Variants in AMN1 observed in about 807,000 individuals in gnomAD.
AMN1 encodes protein AMN1 homolog.
AMN1 carries 20 observed loss-of-function variants against 33.0 expected under a neutral mutation model. The ratio of observed to expected loss-of-function variants is 0.61; its 90% CI spans 0.43 to 0.88. AMN1 has a LOEUF of 0.88. Among genes scored for constraint, AMN1 ranks in the 40% least tolerant of loss-of-function variants. The pLI, the probability that AMN1 is intolerant of heterozygous loss-of-function variation, is 0.00. For synonymous variants in AMN1, 114 were observed against 111.9 expected (o/e 1.02, Z -0.12); for missense variants, 246 against 307.4 (o/e 0.80, Z 1.49).
chr12:31,717,704 CT>C (rs966637043), intron 1 of AMN1, among the ~76,000 whole-genome samples: 41 of 147,722 alleles, frequency 2.8e-4, no homozygotes, highest in African/African-American at 4.0e-4. Context: ...TTATAGTTAA[CT>C]TTTTTTTTTT....
intron 6 of AMN1, among the ~76,000 whole-genome samples, chr12:31,688,481 T>G (rs1026168422): frequency 6.6e-6 from 1 of 152,174 alleles, no homozygotes; most frequent in Non-Finnish European, 1.5e-5. Flanking sequence ...TAACATTTAT[T>G]GAGCTCTTAC....
In AMN1 at chr12:31,722,130, G is replaced by GACACACACACACAC. The variant is rs57266162; in HGVS notation, c.38+6827_38+6840dup. Among the ~76,000 whole-genome samples, 153 of 144,066 alleles carry GACACACACACACAC rather than the reference G, an allele frequency of 1.1e-3. 1 individual carries two copies. The highest frequency in any genetic ancestry group is 3.7e-3 in the African/African-American group (143 of 38,204). The allele number at this position is 144,066 out of a possible 152,430, so 94.5% of individuals were successfully genotyped here. ...GACAAGTTGACTATATCAGGCCTTTGACACACACACACACACACACACACA... is the reference window on the plus strand; with the variant it reads ...GACAAGTTGACTATATCAGGCCTTTGACACACACACACACACACACACACACACACACACACACA... On this transcript the variant is annotated intron_variant, in intron 1 of 6. Coordinates refer to ENST00000281471, the MANE Select transcript of AMN1 (RefSeq NM_001113402.2).
At position 31,683,256 on chromosome 12, in the gene AMN1, C is replaced by G. The variant is rs952581550; in HGVS notation, c.703+5751G>C. Among the ~76,000 whole-genome samples the G allele has an allele frequency of 2.0e-5, 3 of 152,200 alleles. No homozygotes were observed. Among genetic ancestry groups the G allele is most frequent in the Non-Finnish European group, 4.4e-5 (3 of 68,046 alleles). ...GGACTACAGGCGTGAGCTACCACAC[C>G]TGGCCAGAAAATGATATGCTATTCT... On this transcript the variant is annotated intron_variant, in intron 6 of 6. Coordinates refer to ENST00000281471, the MANE Select transcript of AMN1 (RefSeq NM_001113402.2). The surrounding 1 kb of genome is among the most constrained non-coding windows in gnomAD (Gnocchi z 4.1).
intron 6 of AMN1, among the ~76,000 whole-genome samples, chr12:31,682,963 CTTTTTT>C (rs34868408): frequency 1.5e-5 from 2 of 137,850 alleles, no homozygotes; most frequent in Non-Finnish European, 3.1e-5. Flanking sequence ...GTATGCTATT[CTTTTTT>C]TTTTTTTTTT....
At chr12:31,706,311 C>CA (rs3032986) in intron 2 of AMN1, among the ~76,000 whole-genome samples, 18,511 of 65,590 alleles carry the variant, frequency 0.28, 2,575 homozygotes, top group Middle Eastern at 0.34. Flanking sequence ...GACTCCGTCT[C>CA]AAAAAAAAAA....
intron 6 of AMN1, among the ~76,000 whole-genome samples, chr12:31,677,283 G>A (rs1024439858): frequency 3.9e-5 from 6 of 152,162 alleles, no homozygotes; most frequent in African/African-American, 1.4e-4. Context: ...CTGGGTGACT[G>A]AGCGAGACTC....
chr12:31,676,653 T>G (rs551292338), intron 6 of AMN1, among the ~76,000 whole-genome samples: 1 of 151,602 alleles, frequency 6.6e-6, no homozygotes, highest in South Asian at 2.1e-4. Flanking sequence ...AGCTGGTGTG[T>G]CTACAATCAT....
chr12:31,681,476 G>A (rs941933759), intron 6 of AMN1, among the ~76,000 whole-genome samples: 1 of 152,084 alleles, frequency 6.6e-6, no homozygotes, highest in Admixed American at 6.5e-5. Flanking sequence ...TGATCCACCT[G>A]CCTCGGCCTC....
At chr12:31,715,555 T>C in intron 1 of AMN1, 1 of 163,308 alleles carries the variant, frequency 6.1e-6, no homozygotes. Context: ...TCTCCTGCTC[T>C]CATTTTTCAG....
chr12:31,724,784 A>G (rs1288542013), intron 1 of AMN1, among the ~76,000 whole-genome samples: 1 of 152,140 alleles, frequency 6.6e-6, no homozygotes, highest in Non-Finnish European at 1.5e-5. Context: ...TGTGTTTCCC[A>G]AAGTAAATGG....
intron 6 of AMN1, among the ~76,000 whole-genome samples, chr12:31,685,543 G>A (rs1035954936): frequency 9.9e-5 from 15 of 152,110 alleles, no homozygotes; most frequent in African/African-American, 3.4e-4. Flanking sequence ...GCTCACGCTT[G>A]TAATCCCAGA....
At chr12:31,723,271 G>A (rs1939942646) in intron 1 of AMN1, among the ~76,000 whole-genome samples, 1 of 152,096 alleles carries the variant, frequency 6.6e-6, no homozygotes, top group Non-Finnish European at 1.5e-5. Context: ...TGTTACAGTT[G>A]TTGACATTTT....
intron 6 of AMN1, among the ~76,000 whole-genome samples, chr12:31,679,063 C>CT (rs1369403788): frequency 6.6e-6 from 1 of 152,144 alleles, no homozygotes; most frequent in East Asian, 1.9e-4. Flanking sequence ...AATCCCAGCA[C>CT]TTTGAGAGGC....
At chr12:31,723,397 G>A (rs966524807) in intron 1 of AMN1, among the ~76,000 whole-genome samples, 2 of 151,950 alleles carry the variant, frequency 1.3e-5, no homozygotes, top group Non-Finnish European at 2.9e-5. Context: ...TGCAAGCTCC[G>A]CCTCCTGGGT....
chr12:31,705,315 T>C (rs1301197829), intron 2 of AMN1, among the ~76,000 whole-genome samples: 1 of 151,978 alleles, frequency 6.6e-6, no homozygotes, highest in African/African-American at 2.4e-5. Flanking sequence ...CTGGGCAACA[T>C]GGTGAAACCC....
intron 6 of AMN1, among the ~76,000 whole-genome samples, chr12:31,688,202 C>T (rs1938350880): frequency 6.6e-6 from 1 of 152,202 alleles, no homozygotes; most frequent in South Asian, 2.1e-4. Context: ...GATCCACCCG[C>T]CTTGGCCTCC....
Position 31,697,859 on chromosome 12 carries a change from T to G in AMN1, c.415A>C (p.Asn139His). ...TCGATGATCTTTAGCAGCTGGCAATTGAGTGCAAGAGCAACGACTCCTTCG... is the reference window on the plus strand; with the variant it reads ...TCGATGATCTTTAGCAGCTGGCAATGGAGTGCAAGAGCAACGACTCCTTCG... Reference protein sequence around the residue: ...TDEGVVALALNCQLLKIIDLG... With the variant: ...TDEGVVALALHCQLLKIIDLG... Residue 139 changes from asparagine to histidine, a missense_variant, in exon 4 of 7, where the codon AAT becomes CAT. Coordinates refer to ENST00000281471, the MANE Select transcript of AMN1 (RefSeq NM_001113402.2). The G allele has an allele frequency of 6.2e-7, 1 of 1,614,000 alleles. No homozygotes were observed. Among genetic ancestry groups the G allele is most frequent in the Middle Eastern group, 1.6e-4 (1 of 6,062 alleles).
At chr12:31,685,887 T>C (rs1473346925) in intron 6 of AMN1, among the ~76,000 whole-genome samples, 1 of 151,616 alleles carries the variant, frequency 6.6e-6, no homozygotes, top group Non-Finnish European at 1.5e-5. Context: ...AGTTTCACTC[T>C]TGTTGCCCAA....
At chr12:31,676,624 C>T (rs183279233) in intron 6 of AMN1, among the ~76,000 whole-genome samples, 38 of 151,430 alleles carry the variant, frequency 2.5e-4, no homozygotes, top group Admixed American at 2.5e-3. Context: ...GCCTGGCCAA[C>T]ACTTCCCAAT....
Sources: gnomAD v4.1 joint callset for allele counts (sites outside exome capture counted in the v4.1 genomes callset) on GRCh38, gnomAD v4.1.1 for gene constraint, Gnocchi (gnomAD v3.1) non-coding constraint, MANE v1.5 for transcripts, NCBI Gene and HGNC (gene_info 2026-07-23, HGNC 2026-07-21) for gene names.